QRICH2: variants seen among roughly 807,000 people sequenced by gnomAD.
QRICH2 encodes glutamine-rich protein 2.
QRICH2 carries 119 observed loss-of-function variants against 168.3 expected under a neutral mutation model. That is an observed-to-expected ratio of 0.71 (90% CI 0.61 to 0.82). The LOEUF (loss-of-function observed/expected upper bound fraction) is 0.82. Ranked by LOEUF, QRICH2 falls within the 40% of genes least tolerant of loss-of-function variation. The pLI is 0.00. For missense variants in QRICH2, 2,241 were observed against 2,491.6 expected, an observed-to-expected ratio of 0.90 and a Z score of 2.14; for synonymous variants, 894 against 951.2, an observed-to-expected ratio of 0.94 and a Z score of 1.11.
chr17:76,307,548 GCTC>G lies in QRICH2; in HGVS notation c.448_450del (p.Glu150del). ...TCGAACGCCCGCACGCCCACCTCCT[GCTC>G]CTCCGGCCACTCTAGCGCGGCCAGG... On this transcript the variant is annotated inframe_deletion, in exon 1 of 19. Transcript: ENST00000680821. This position sits in a 1 kb window ranked among gnomAD's most constrained non-coding sequence, Gnocchi z 5.3. The G allele has an allele frequency of 6.3e-7, 1 of 1,592,220 alleles. No homozygotes were observed. The highest frequency in any genetic ancestry group is 1.7e-4 in the Middle Eastern group (1 of 6,038).
At chr17:76,277,110 T>A in intron 16 of QRICH2, 53 bp downstream of exon 16, 2 of 1,495,122 alleles carry the variant, frequency 1.3e-6, no homozygotes, top group Non-Finnish European at 1.8e-6. Context: ...GACTCAGGAA[T>A]CTGGAGCCAT....
Position 76,275,829 on chromosome 17 carries a change from GC to G in QRICH2, c.5471del (p.Gly1824AlafsTer70). ...SRPQSAQISA[G>X]NTSVSSRQQK... is the part of the protein sequence containing the mutation. ...CCAGAGGGAAGCTACCTGAGGTGTTGCCAGCCGAAATCTGGGCGCTCTGTGG... is the reference window on the plus strand; with the variant it reads ...CCAGAGGGAAGCTACCTGAGGTGTTGCAGCCGAAATCTGGGCGCTCTGTGG... On this transcript the variant is annotated frameshift_variant, in exon 18 of 19. Coordinates refer to ENST00000680821, the MANE Select transcript of QRICH2 (RefSeq NM_001388453.1). LOFTEE classifies it low-confidence loss of function (END_TRUNC). 2 of 1,606,162 alleles carry G rather than the reference GC, an allele frequency of 1.2e-6. No homozygotes were observed. Among genetic ancestry groups the G allele is most frequent in the Non-Finnish European group, 8.5e-7 (1 of 1,179,786 alleles).
chr17:76,304,814 G>A lies in QRICH2; in HGVS notation c.594+68C>T, dbSNP rs372958680. 2.1e-5 allele frequency: 23 copies of A among 1,121,900 alleles called. No homozygotes were observed. In the African/African-American group the frequency reaches 3.2e-4, roughly 16 times the overall value. The allele number at this position is 1,121,900 out of a possible 1,614,324, so 69.5% of individuals were successfully genotyped here. On this transcript the variant is annotated intron_variant, in intron 2 of 18. Coordinates refer to ENST00000680821, the MANE Select transcript of QRICH2 (RefSeq NM_001388453.1). ...CTGCCCTGGATGGACAAGCCCTGGAGAGAGGGCCACACTGAGAGACGGCCA... is the reference window on the plus strand; with the variant it reads ...CTGCCCTGGATGGACAAGCCCTGGAAAGAGGGCCACACTGAGAGACGGCCA...
chr17:76,308,761 T>C (rs1379259155), upstream of QRICH2, among the ~76,000 whole-genome samples: 1 of 152,034 alleles, frequency 6.6e-6, no homozygotes, highest in African/African-American at 2.4e-5. Flanking sequence ...TTTTTTTACT[T>C]TTGAGAGGGA....
At chr17:76,290,830 TTC>T (rs1488432150) in intron 4 of QRICH2, among the ~76,000 whole-genome samples, 183 bp downstream of exon 4, 1 of 152,192 alleles carries the variant, frequency 6.6e-6, no homozygotes, top group Admixed American at 6.6e-5. Flanking sequence ...TGGGGCTTAG[TTC>T]TCTCCTTTGC....
Position 76,292,858 on chromosome 17 carries a change from A to G in QRICH2, c.1869T>C (p.Pro623=), listed in dbSNP as rs751964055. 1.2e-6 allele frequency: 2 copies of G among 1,603,506 alleles called. No homozygotes were observed. Among genetic ancestry groups the G allele is most frequent in the South Asian group, 1.1e-5 (1 of 90,988 alleles). ...GGGCCAAACCAGACTGATCCATTCC[A>G]GGCCAGACCAAACCACGCTGATCTG... ...PGADQRGLVW[P]GMDQSGLAQP... Residue 623 remains proline (P), a synonymous_variant, in exon 4 of 19, where the codon CCT becomes CCC. Transcript: ENST00000680821.
In QRICH2 at chr17:76,281,609, G is replaced by A. The variant is rs920296718; in HGVS notation, c.4263+255C>T. Among the ~76,000 whole-genome samples the A allele has an allele frequency of 5.9e-5, 9 of 152,194 alleles. No individual in the cohort carries two copies. The highest frequency in any genetic ancestry group is 2.2e-4 in the African/African-American group (9 of 41,452). ...AAGGGCACTGATCTGTCCTCAGCCG[G>A]CCTGTGCTGTCCCACCCCATCAAGC... On this transcript the variant is annotated intron_variant, in intron 8 of 18. Coordinates refer to ENST00000680821, the MANE Select transcript of QRICH2 (RefSeq NM_001388453.1). This position sits in a 1 kb window ranked among gnomAD's most constrained non-coding sequence, Gnocchi z 4.4.
intron 18 of QRICH2, among the ~76,000 whole-genome samples, chr17:76,274,870 C>T (rs986363649): frequency 1.3e-5 from 2 of 152,200 alleles, no homozygotes; most frequent in African/African-American, 2.4e-5. Flanking sequence ...GTGGTGCTAA[C>T]GGCCCCTACC....
chr17:76,303,473 A>G (rs1447838897), intron 3 of QRICH2, among the ~76,000 whole-genome samples: 1 of 152,222 alleles, frequency 6.6e-6, no homozygotes, highest in African/African-American at 2.4e-5. Context: ...ATTTGAATAT[A>G]TCCAGCTTGA....
intron 3 of QRICH2, among the ~76,000 whole-genome samples, chr17:76,297,529 A>G (rs1273883280): frequency 6.6e-6 from 1 of 152,020 alleles, no homozygotes; most frequent in Non-Finnish European, 1.5e-5. Flanking sequence ...AAATACAAAA[A>G]TATGTACCAT....
rs1243850411 is a variant in QRICH2, at chr17:76,275,894, G to A, written c.5407C>T (p.Pro1803Ser). ...SQQPRPHVHR[P>S]PSLSSNGQLP... ...TGGCCATTGCTGCTGAGGGATGGCG[G>A]CCTGTGCACGTGGGGCCTGGGCTGC... Residue 1803 changes from proline to serine, a missense_variant, in exon 18 of 19, where the codon CCG (proline) becomes TCG (serine). By Grantham distance (74) the Pro-to-Ser change is moderately conservative. Around this residue, in one of 3 missense-constraint regions of QRICH2, gnomAD observed 189 missense variants for 169.3 expected, o/e 1.12. Transcript: ENST00000680821. The A allele has an allele frequency of 6.2e-7, 1 of 1,609,062 alleles. No homozygotes were observed. The highest frequency in any genetic ancestry group is 8.5e-7 in the Non-Finnish European group (1 of 1,179,934).
intron 17 of QRICH2, 58 bp downstream of exon 17, chr17:76,276,622 G>A (rs1399046016): frequency 3.8e-6 from 5 of 1,333,006 alleles, no homozygotes; most frequent in Non-Finnish European, 5.3e-6. Context: ...GCCCCACAAT[G>A]GATGCACGCC....
At position 76,307,341 on chromosome 17, in the gene QRICH2, T is replaced by C. The variant is rs966667545; in HGVS notation, c.534+124A>G. The C allele has an allele frequency of 5.0e-6, 5 of 995,846 alleles. No individual in the cohort carries two copies. In the African/African-American group the frequency reaches 8.0e-5, roughly 16 times the overall value. 61.7% of individuals were successfully genotyped at this position (995,846 alleles called of 1,614,324 possible). A position where few individuals can be genotyped will look rare whatever the true frequency, so the allele number is the denominator to read the frequency against. On this transcript the variant is annotated intron_variant, in intron 1 of 18. Coordinates refer to ENST00000680821, the MANE Select transcript of QRICH2 (RefSeq NM_001388453.1). This position sits in a 1 kb window ranked among gnomAD's most constrained non-coding sequence, Gnocchi z 5.3. ...AGTCGCACTGAGGTCTGGCACCTCC[T>C]CGGTCCCCATCCCCTCCGTCCCCAC... is the stretch of plus-strand genomic sequence containing the variant.
intron 7 of QRICH2, among the ~76,000 whole-genome samples, chr17:76,282,566 A>C (rs1228560197): frequency 1.3e-5 from 2 of 152,024 alleles, no homozygotes; most frequent in East Asian, 3.9e-4. Context: ...TGCTCCATCC[A>C]CCTAGCATGT....
chr17:76,308,001 T>G lies in QRICH2; in HGVS notation c.-3A>C. On this transcript the variant is annotated 5_prime_UTR_variant, in exon 1 of 19. Transcript: ENST00000680821. ...GAGACCGTGGTCGCGGGCGGCATCG[T>G]GGCTGTCAGGAGCTGTGCGCCGCCG... The G allele has an allele frequency of 8.1e-7, 1 of 1,233,274 alleles. No homozygotes were observed. Among genetic ancestry groups the G allele is most frequent in the Non-Finnish European group, 1.0e-6 (1 of 988,550 alleles). 76.4% of individuals were successfully genotyped at this position (1,233,274 alleles called of 1,614,324 possible). A position where few individuals can be genotyped will look rare whatever the true frequency, so the allele number is the denominator to read the frequency against.
upstream of QRICH2, among the ~76,000 whole-genome samples, chr17:76,309,177 G>A (rs182812649): frequency 3.0e-4 from 44 of 148,274 alleles, no homozygotes; most frequent in Admixed American, 1.4e-3. Context: ...AGCCAACATA[G>A]TGAAACCCCT....
In QRICH2 at chr17:76,281,350, G is replaced by A. The variant is rs2070785030; in HGVS notation, c.4264-397C>T. Among the ~76,000 whole-genome samples, 1 of 152,188 alleles carries A rather than the reference G, an allele frequency of 6.6e-6. No homozygotes were observed. Among genetic ancestry groups the A allele is most frequent in the Non-Finnish European group, 1.5e-5 (1 of 68,034 alleles). On this transcript the variant is annotated intron_variant, in intron 8 of 18. Coordinates refer to ENST00000680821, the MANE Select transcript of QRICH2 (RefSeq NM_001388453.1). This position sits in a 1 kb window ranked among gnomAD's most constrained non-coding sequence, Gnocchi z 4.4. The stretch of plus-strand genomic sequence containing the variant: ...GTCATTAGAGGTGATGGAGGCTCAG[G>A]AGTGATGTGCTGTCCCGGGGCACTT...
chr17:76,287,113 TGA>T, intron 7 of QRICH2, 77 bp downstream of exon 7: 2 of 816,074 alleles, frequency 2.5e-6, no homozygotes, highest in South Asian at 2.7e-5. Context: ...TAGTTTTTGA[TGA>T]GAGGTGGGAG....
chr17:76,297,630 TAACTC>T (rs957995006), intron 3 of QRICH2, among the ~76,000 whole-genome samples: 2 of 152,070 alleles, frequency 1.3e-5, no homozygotes, highest in African/African-American at 4.8e-5. Flanking sequence ...AATGAGGAGA[TAACTC>T]AACCAACTGA....
Sources: gnomAD v4.1 joint callset for allele counts (sites outside exome capture counted in the v4.1 genomes callset) on GRCh38, gnomAD v4.1.1 for gene constraint, gnomAD v4.1.1 regional missense constraint, Gnocchi (gnomAD v3.1) non-coding constraint, MANE v1.5 for transcripts, NCBI Gene and HGNC (gene_info 2026-07-23, HGNC 2026-07-21) for gene names.